Variants in NLRP13 observed in about 807,000 individuals in gnomAD.
The protein encoded by NLRP13 is NLR family pyrin domain containing 13.
In NLRP13, 82 loss-of-function variants were observed where a neutral mutation model predicts 94.4. That is an observed-to-expected ratio of 0.87 (90% CI 0.73 to 1.04). The LOEUF is 1.04. Among genes scored for constraint, NLRP13 ranks in the 50% least tolerant of loss-of-function variants. The probability of loss-of-function intolerance (pLI) is 0.00; values close to 1 mark genes in which losing one functional copy is unlikely to be tolerated. For missense variants in NLRP13, 1,426 were observed against 1,230.8 expected (o/e 1.16, Z -2.37); for synonymous variants, 553 against 464.7 (o/e 1.19, Z -2.45).
At chr19:55,896,258 C>A in intron 10 of NLRP13, 139 bp from the exon 11 acceptor site, 1 of 892,234 alleles carries the variant, frequency 1.1e-6, no homozygotes, top group East Asian at 2.6e-5. Context: ...GGCACAGTGG[C>A]TCACGCCTGT....
downstream of NLRP13, chr19:55,891,726 C>T (rs749015449): frequency 1.1e-4 from 23 of 216,136 alleles, no homozygotes; most frequent in Non-Finnish European, 9.0e-6. Context: ...ATTCTCTCAA[C>T]ACCTCCAAGA....
intron 4 of NLRP13, among the ~76,000 whole-genome samples, chr19:55,923,071 G>A (rs781263926): frequency 1.2e-4 from 19 of 152,152 alleles, no homozygotes; most frequent in Admixed American, 3.3e-4. Flanking sequence ...GAACTAGAAT[G>A]TATGTTTTAC....
chr19:55,909,680 T>C (rs771089260), intron 6 of NLRP13, among the ~76,000 whole-genome samples: 1 of 152,176 alleles, frequency 6.6e-6, no homozygotes, highest in Non-Finnish European at 1.5e-5. Context: ...CACAAGTGGC[T>C]CTCACCAGGT....
At chr19:55,899,609 A>G (rs1391562038) in intron 9 of NLRP13, among the ~76,000 whole-genome samples, 2 of 151,996 alleles carry the variant, frequency 1.3e-5, no homozygotes, top group Admixed American at 6.6e-5. Context: ...GTGAAACCCC[A>G]TCTCTACTAA....
intron 4 of NLRP13, among the ~76,000 whole-genome samples, chr19:55,923,327 G>T (rs1986882933): frequency 6.6e-6 from 1 of 152,182 alleles, no homozygotes; most frequent in African/African-American, 2.4e-5. Context: ...TTCTTGGAAG[G>T]CTGGGGGAGA....
intron 6 of NLRP13, among the ~76,000 whole-genome samples, chr19:55,909,345 G>C (rs1986440021): frequency 6.6e-6 from 1 of 152,138 alleles, no homozygotes; most frequent in Admixed American, 6.5e-5. Flanking sequence ...GCTCCAGAGA[G>C]GACCCTCCCC....
chr19:55,925,401 C>T lies in NLRP13; in HGVS notation c.320-366G>A, dbSNP rs118096289. On this transcript the variant is annotated intron_variant, in intron 1 of 10. Transcript: ENST00000342929. ...CTTTAATAACATACCTTAGCCTCTC[C>T]CCATCTGCCTTATCCTCCGTTTGCA... is the stretch of plus-strand genomic sequence containing the variant. Among the ~76,000 whole-genome samples, 97 of 152,282 alleles carry T rather than the reference C, an allele frequency of 6.4e-4. 1 individual carries two copies. In the East Asian group the frequency reaches 0.016, roughly 25 times the overall value.
Position 55,912,228 on chromosome 19 carries a change from C to A in NLRP13, c.1589G>T (p.Gly530Val). Residue 530 changes from glycine (G) to valine (V), a missense_variant, in exon 5 of 11, where the codon GGT becomes GTT. Transcript: ENST00000342929. ...NILQKINDCG[G>V]CTTFTHLSFQ... ...ACTTAGGTGGGTGAAAGTAGTGCAA[C>A]CCCCACAGTCATTGATCTTTTGAAG... The A allele has an allele frequency of 6.2e-7, 1 of 1,614,126 alleles. No homozygotes were observed. The highest frequency in any genetic ancestry group is 8.5e-7 in the Non-Finnish European group (1 of 1,180,000).
At chr19:55,902,890 AT>A (rs1454308343) in intron 8 of NLRP13, among the ~76,000 whole-genome samples, 1 of 105,552 alleles carries the variant, frequency 9.5e-6, no homozygotes, top group Non-Finnish European at 2.2e-5. Context: ...AATGAAATAT[AT>A]GTTACAATTA....
Position 55,928,455 on chromosome 19 carries a change from G to A in NLRP13, c.320-3420C>T, listed in dbSNP as rs559832950. Among the ~76,000 whole-genome samples, 4 of 152,254 alleles carry A rather than the reference G, an allele frequency of 2.6e-5. No individual in the cohort carries two copies. In the South Asian group the frequency reaches 8.3e-4, roughly 32 times the overall value. On this transcript the variant is annotated intron_variant, in intron 1 of 10. Coordinates refer to ENST00000342929, the MANE Select transcript of NLRP13 (RefSeq NM_176810.2). ...ATCAGTGACAAGAAACAGGATAAAT[G>A]CTTGAGGTGATGGACACACTCCATT...
At chr19:55,909,705 C>T (rs778622454) in intron 6 of NLRP13, among the ~76,000 whole-genome samples, 1 of 152,178 alleles carries the variant, frequency 6.6e-6, no homozygotes, top group Non-Finnish European at 1.5e-5. Context: ...GCAGCTGGCT[C>T]CAACATGTCA....
At chr19:55,894,722 C>T (rs932035549), downstream of NLRP13, among the ~76,000 whole-genome samples, 4 of 152,218 alleles carry the variant, frequency 2.6e-5, no homozygotes, top group Non-Finnish European at 4.4e-5. Context: ...TCAAGACTCT[C>T]AAGGACAAGG....
chr19:55,915,033 A>C lies in NLRP13; in HGVS notation c.524-1740T>G, dbSNP rs969229690. Among the ~76,000 whole-genome samples the C allele has an allele frequency of 4.6e-5, 7 of 152,336 alleles. No homozygotes were observed. In the East Asian group the frequency reaches 1.4e-3, roughly 29 times the overall value. On this transcript the variant is annotated intron_variant, in intron 4 of 10. Coordinates refer to ENST00000342929, the MANE Select transcript of NLRP13 (RefSeq NM_176810.2). ...AGAGAATAAAGTGGTGATTACTAGA[A>C]GCTGGGGAATGGCACGGGGAAAAGA...
intron 1 of NLRP13, among the ~76,000 whole-genome samples, chr19:55,926,769 A>T (rs1338751335): frequency 6.6e-6 from 1 of 152,210 alleles, no homozygotes; most frequent in Non-Finnish European, 1.5e-5. Flanking sequence ...AAAATGCTTT[A>T]CTGGGAAATG....
intron 1 of NLRP13, among the ~76,000 whole-genome samples, chr19:55,926,633 C>G (rs140430464): frequency 1.3e-5 from 2 of 152,102 alleles, no homozygotes; most frequent in Non-Finnish European, 2.9e-5. Flanking sequence ...AGGGAAGCAC[C>G]GGTGATTTAC....
chr19:55,895,295 T>C (rs1425380704), downstream of NLRP13, among the ~76,000 whole-genome samples: 1 of 151,494 alleles, frequency 6.6e-6, no homozygotes, highest in Admixed American at 6.6e-5. Context: ...GCCAAGAGAA[T>C]CACTTGAACC....
At chr19:55,919,910 C>T (rs1014457046) in intron 4 of NLRP13, among the ~76,000 whole-genome samples, 2 of 152,102 alleles carry the variant, frequency 1.3e-5, no homozygotes, top group African/African-American at 4.8e-5. Flanking sequence ...CTGTATGCAT[C>T]ACCTTACCTG....
At chr19:55,905,735 G>A (rs1986327575) in intron 7 of NLRP13, among the ~76,000 whole-genome samples, 1 of 151,936 alleles carries the variant, frequency 6.6e-6, no homozygotes, top group East Asian at 1.9e-4. Context: ...CAGAATGAGA[G>A]GACTGCCCTG....
chr19:55,910,538 T>G (rs1334386798), intron 6 of NLRP13, 25 bp downstream of exon 6: 1 of 1,553,618 alleles, frequency 6.4e-7, no homozygotes. Context: ...GGTATCTTCT[T>G]GAGCTGCTGG....
Sources: allele counts gnomAD v4.1 joint callset (sites outside exome capture counted in the v4.1 genomes callset), GRCh38; gene constraint gnomAD v4.1.1; transcripts MANE v1.5; gene names NCBI Gene and HGNC (gene_info 2026-07-23, HGNC 2026-07-21).